Variants in CCND3 observed in about 807,000 individuals in gnomAD.
CCND3 encodes the protein cyclin D3.
CCND3 carries 9 observed loss-of-function variants against 28.7 expected under a neutral mutation model. That is an observed-to-expected ratio of 0.31 (90% CI 0.19 to 0.55). The LOEUF is 0.55. Among genes scored for constraint, CCND3 ranks in the 20% least tolerant of loss-of-function variants. CCND3 has a pLI of 0.93. For missense variants in CCND3, 315 were observed against 385.8 expected, an observed-to-expected ratio of 0.82 and a Z score of 1.54; for synonymous variants, 164 against 163.9, an observed-to-expected ratio of 1.00 and a Z score of 0.00.
At chr6:41,942,131 C>T (rs1351899052), upstream of CCND3, among the ~76,000 whole-genome samples, 1 of 152,218 alleles carries the variant, frequency 6.6e-6, no homozygotes, top group Non-Finnish European at 1.5e-5. Context: ...ATTCGTCAAA[C>T]CCTACTTCAC....
rs115724923 is a variant in CCND3 at position 42,025,741 on chromosome 6, A to G, written c.-46+22760T>C. Among the ~76,000 whole-genome samples, 424 of 152,300 alleles carry G rather than the reference A, an allele frequency of 2.8e-3. 3 individuals carry two copies. Among genetic ancestry groups the G allele is most frequent in the African/African-American group, 9.9e-3 (410 of 41,556 alleles). The stretch of plus-strand genomic sequence containing the variant: ...TCTGAGTCACAAGGGTGGCTCTCTC[A>G]GAGCTGTGATGGCCTGGTCTCTCCT... On this transcript the variant is annotated intron_variant, in intron 1 of 4. Coordinates refer to the CCND3 transcript ENST00000372988.
Position 41,978,229 on chromosome 6 carries a change from C to G in CCND3, c.-45-37644G>C, listed in dbSNP as rs1302878919. Among the ~76,000 whole-genome samples, 7 of 151,812 alleles carry G rather than the reference C, an allele frequency of 4.6e-5. No homozygotes were observed. In the East Asian group the frequency reaches 9.7e-4, roughly 21 times the overall value. On this transcript the variant is annotated intron_variant, in intron 1 of 4. Coordinates refer to the CCND3 transcript ENST00000372988. ...CTCTACCAAAAATATAAAAAATTAG[C>G]CGGGCACGGTGGCGGGCACCTGTAG...
At position 41,936,543 on chromosome 6, in the gene CCND3, G is replaced by A. The variant is rs539140009; in HGVS notation, c.711+16C>T. The A allele has an allele frequency of 3.4e-5, 55 of 1,612,974 alleles. No individual in the cohort carries two copies. In the East Asian group the frequency reaches 1.2e-3, roughly 36 times the overall value. ...TTATGAATGGAGAGGCTGCTGCCCA[G>A]CTACCCAGCACTCACCACTTCAGTG... On this transcript the variant is annotated intron_variant, in intron 4 of 4. Coordinates refer to ENST00000372991, the MANE Select transcript of CCND3 (RefSeq NM_001760.5). This position sits in a 1 kb window ranked among gnomAD's most constrained non-coding sequence, Gnocchi z 4.4.
chr6:41,956,592 T>A (rs1776442079), intron 1 of CCND3, among the ~76,000 whole-genome samples: 1 of 152,222 alleles, frequency 6.6e-6, no homozygotes, highest in Admixed American at 6.5e-5. Context: ...GAAGAATGGA[T>A]TTCTCTGAGG....
intron 1 of CCND3, among the ~76,000 whole-genome samples, chr6:41,985,148 T>C (rs1245411771): frequency 1.3e-5 from 2 of 152,108 alleles, no homozygotes; most frequent in African/African-American, 4.8e-5. Flanking sequence ...AGAGTTTTAG[T>C]TTGATGCAAT....
rs971337719 is a variant in CCND3 at position 41,941,759 on chromosome 6, G to A, written c.-110C>T. 1.8e-5 allele frequency: 13 copies of A among 730,466 alleles called. No homozygotes were observed. In the Admixed American group the frequency reaches 3.3e-4, roughly 19 times the overall value. The allele number at this position is 730,466 out of a possible 1,614,324, so 45.2% of individuals were successfully genotyped here. A position where few individuals can be genotyped will look rare whatever the true frequency, so the allele number is the denominator to read the frequency against. On this transcript the variant is annotated 5_prime_UTR_variant, in exon 1 of 5. Coordinates refer to ENST00000372991, the MANE Select transcript of CCND3 (RefSeq NM_001760.5). This position sits in a 1 kb window ranked among gnomAD's most constrained non-coding sequence, Gnocchi z 6.1. ...CTGGCGCTGGCGCTGGCACTGCGCGGCGGATCCCCAGCCCGCCCGCCGCCC... is the reference window on the plus strand; with the variant it reads ...CTGGCGCTGGCGCTGGCACTGCGCGACGGATCCCCAGCCCGCCCGCCGCCC...
chr6:41,961,639 A>G (rs1761719942), intron 1 of CCND3, among the ~76,000 whole-genome samples: 1 of 151,960 alleles, frequency 6.6e-6, no homozygotes, highest in Non-Finnish European at 1.5e-5. Context: ...CTGCTCCTCC[A>G]CAGCTCCTTC....
At chr6:41,952,434 T>C (rs543928121) in intron 1 of CCND3, among the ~76,000 whole-genome samples, 238 of 152,250 alleles carry the variant, frequency 1.6e-3, no homozygotes, top group African/African-American at 5.2e-3. Flanking sequence ...CAATCAAAAG[T>C]GCGTGCTTGA....
chr6:42,013,023 G>C (rs1189653504), intron 1 of CCND3, among the ~76,000 whole-genome samples: 1 of 152,120 alleles, frequency 6.6e-6, no homozygotes, highest in Non-Finnish European at 1.5e-5. Flanking sequence ...CTGTTTTCTG[G>C]GTAGTGGGGC....
At chr6:42,014,032 A>C (rs1407720343) in intron 1 of CCND3, among the ~76,000 whole-genome samples, 1 of 149,030 alleles carries the variant, frequency 6.7e-6, no homozygotes, top group Non-Finnish European at 1.5e-5. Context: ...AGATCGTGCC[A>C]CTGCACTCCA....
At chr6:41,951,575 CA>C (rs58855970) in intron 1 of CCND3, among the ~76,000 whole-genome samples, 2 of 70,152 alleles carry the variant, frequency 2.9e-5, no homozygotes, top group African/African-American at 1.2e-4. Context: ...CACACACACA[CA>C]AAAAAAAAGA....
At chr6:41,950,355 A>T (rs1303914858) in intron 1 of CCND3, among the ~76,000 whole-genome samples, 2 of 152,130 alleles carry the variant, frequency 1.3e-5, no homozygotes, top group East Asian at 3.9e-4. Flanking sequence ...TAGCACTGGC[A>T]TTAGTTTGGC....
rs1775852676 is a variant in CCND3, at chr6:41,937,657, G to C, written c.415-263C>G. 4 of 506,956 alleles carry C rather than the reference G, an allele frequency of 7.9e-6. No homozygotes were observed. The South Asian group carries it at 9.5e-5, about 12-fold the overall frequency. The allele number at this position is 506,956 out of a possible 1,614,324, so 31.4% of individuals were successfully genotyped here. A position where few individuals can be genotyped will look rare whatever the true frequency, so the allele number is the denominator to read the frequency against. ...GGATTATCCCTTTTAATCCTGTCTG[G>C]TTATGTTTAAGGGGCCAATAATCCA... is the stretch of plus-strand genomic sequence containing the variant. On this transcript the variant is annotated intron_variant, in intron 2 of 4. Coordinates refer to ENST00000372991, the MANE Select transcript of CCND3 (RefSeq NM_001760.5).
intron 1 of CCND3, among the ~76,000 whole-genome samples, chr6:42,029,196 G>A (rs1356101169): frequency 1.3e-5 from 2 of 149,490 alleles, no homozygotes; most frequent in African/African-American, 4.9e-5. Context: ...TCACTATGTT[G>A]CCCAGGCTGG....
chr6:42,037,576 CTTA>C (rs1764257501), intron 1 of CCND3, among the ~76,000 whole-genome samples: 2 of 152,048 alleles, frequency 1.3e-5, no homozygotes, highest in African/African-American at 2.4e-5. Context: ...CAATGAGTTT[CTTA>C]TTGTTACTTT....
intron 1 of CCND3, among the ~76,000 whole-genome samples, chr6:41,996,670 C>CTTTT (rs34368226): frequency 2.8e-5 from 4 of 141,434 alleles, no homozygotes; most frequent in African/African-American, 7.9e-5. Context: ...AAAATCTTAC[C>CTTTT]TTTTTTTTTT....
intron 1 of CCND3, among the ~76,000 whole-genome samples, chr6:41,987,477 TTCTCTCTCTCTCTC>T (rs71544258): frequency 0.012 from 1,479 of 126,340 alleles, 21 homozygotes; most frequent in Middle Eastern, 0.022. Flanking sequence ...GACCAGGCTT[TTCTCTCTCTCTCTC>T]TCTCTCTCTC....
At chr6:41,966,264 CA>C (rs1351444335) in intron 1 of CCND3, among the ~76,000 whole-genome samples, 1 of 152,112 alleles carries the variant, frequency 6.6e-6, no homozygotes, top group Non-Finnish European at 1.5e-5. Flanking sequence ...CCGAGCTCCA[CA>C]AAAACTAAAA....
intron 1 of CCND3, among the ~76,000 whole-genome samples, chr6:42,019,364 C>CTG (rs1763629640): frequency 6.6e-6 from 1 of 151,688 alleles, no homozygotes; most frequent in Non-Finnish European, 1.5e-5. Context: ...TGGTGTGCAC[C>CTG]TGTAGTCCCA....
Sources: gnomAD v4.1 joint callset for allele counts (sites outside exome capture counted in the v4.1 genomes callset) on GRCh38, gnomAD v4.1.1 for gene constraint, Gnocchi (gnomAD v3.1) non-coding constraint, MANE v1.5 for transcripts, NCBI Gene and HGNC (gene_info 2026-07-23, HGNC 2026-07-21) for gene names.